TTC7B: variants seen among roughly 807,000 people sequenced by gnomAD.
The protein encoded by TTC7B is tetratricopeptide repeat domain 7B, also known as tetratricopeptide repeat protein 7B.
TTC7B carries 28 observed loss-of-function variants against 106.8 expected under a neutral mutation model. That is an observed-to-expected ratio of 0.26 (90% CI 0.19 to 0.36). The LOEUF (loss-of-function observed/expected upper bound fraction) is 0.36. Ranked by LOEUF, TTC7B falls within the 10% of genes least tolerant of loss-of-function variation. The probability of loss-of-function intolerance (pLI) is 1.00; values close to 1 mark genes in which losing one functional copy is unlikely to be tolerated. For missense variants in TTC7B, 862 were observed against 1,076.4 expected (o/e 0.80, Z 2.79); for synonymous variants, 405 against 430.6 (o/e 0.94, Z 0.74).
At chr14:90,557,685 C>T (rs917043950) in intron 19 of TTC7B, among the ~76,000 whole-genome samples, 1 of 152,242 alleles carries the variant, frequency 6.6e-6, no homozygotes, top group African/African-American at 2.4e-5. Context: ...CCTGGAACCC[C>T]ATTCCCTGCC....
intron 1 of TTC7B, among the ~76,000 whole-genome samples, chr14:90,815,709 G>T (rs536837313): frequency 1.3e-5 from 2 of 151,876 alleles, no homozygotes; most frequent in East Asian, 1.9e-4. Flanking sequence ...TTCCCCAGGG[G>T]TCTATGTACA....
chr14:90,730,520 G>C (rs549704226), intron 4 of TTC7B, among the ~76,000 whole-genome samples: 2 of 152,216 alleles, frequency 1.3e-5, no homozygotes. Flanking sequence ...TGACAGGAAG[G>C]CTGGGGACAC....
intron 9 of TTC7B, among the ~76,000 whole-genome samples, chr14:90,665,002 T>A (rs956769625): frequency 2.6e-5 from 4 of 151,360 alleles, no homozygotes; most frequent in African/African-American, 9.7e-5. Context: ...TGAATAGGAG[T>A]CTTTGAGTGG....
At chr14:90,603,750 T>C (rs1892526013) in intron 17 of TTC7B, among the ~76,000 whole-genome samples, 1 of 152,222 alleles carries the variant, frequency 6.6e-6, no homozygotes. Context: ...CTTGACTATC[T>C]GCTTATCCTA....
intron 7 of TTC7B, among the ~76,000 whole-genome samples, chr14:90,681,879 TTG>T (rs34678494): frequency 0.31 from 22,573 of 72,586 alleles, 1,825 homozygotes; most frequent in Admixed American, 0.4. Flanking sequence ...GTTGTTGTTG[TTG>T]TGTGTGTGTG....
chr14:90,634,143 C>T (rs1301043503), intron 15 of TTC7B, among the ~76,000 whole-genome samples: 6 of 152,160 alleles, frequency 3.9e-5, no homozygotes, highest in Admixed American at 1.3e-4. Flanking sequence ...TCCCAAAGTG[C>T]TGGGACTATA....
chr14:90,785,263 C>A (rs977171916), intron 2 of TTC7B, among the ~76,000 whole-genome samples: 115 of 152,088 alleles, frequency 7.6e-4, no homozygotes, highest in African/African-American at 2.7e-3. Context: ...CACACACAAA[C>A]AAGAATAAAG....
Position 90,663,139 on chromosome 14 carries a change from C to T in TTC7B, c.1153-4752G>A, listed in dbSNP as rs545833930. ...GCCTCATCGGGTGACCCTAAGGACCCTGCAAAGTACAAGGCAGGTAGGCCC... is the reference window on the plus strand; with the variant it reads ...GCCTCATCGGGTGACCCTAAGGACCTTGCAAAGTACAAGGCAGGTAGGCCC... On this transcript the variant is annotated intron_variant, in intron 9 of 19. Transcript: ENST00000328459. This position sits in a 1 kb window ranked among gnomAD's most constrained non-coding sequence, Gnocchi z 4.5. Among the ~76,000 whole-genome samples, 2 of 152,282 alleles carry T rather than the reference C, an allele frequency of 1.3e-5. No homozygotes were observed. The highest frequency in any genetic ancestry group is 1.3e-4 in the Admixed American group (2 of 15,306).
intron 1 of TTC7B, among the ~76,000 whole-genome samples, chr14:90,811,795 T>C (rs1233372384): frequency 6.6e-6 from 1 of 152,188 alleles, no homozygotes; most frequent in Non-Finnish European, 1.5e-5. Flanking sequence ...CTAATCTTTC[T>C]AAGTGAACTC....
chr14:90,643,565 TTTTGTTTG>T lies in TTC7B; in HGVS notation c.1751+475_1751+482del, dbSNP rs145331178. 4.8e-3 allele frequency among the ~76,000 whole-genome samples: 732 copies of T among 151,622 alleles called. 6 individuals carry two copies. The highest frequency in any genetic ancestry group is 0.016 in the African/African-American group (654 of 41,444). ...TTAGGATGACCTAACAGCCTAAGTT[TTTTGTTTG>T]TTTGTTTGTTTGTTTGTTTTTTGAG... On this transcript the variant is annotated intron_variant, in intron 15 of 19. Transcript: ENST00000328459.
chr14:90,719,426 G>A (rs1205502322), intron 5 of TTC7B, among the ~76,000 whole-genome samples: 1 of 152,228 alleles, frequency 6.6e-6, no homozygotes, highest in Non-Finnish European at 1.5e-5. Context: ...CAGCCAGACT[G>A]GGAGGAACTG....
intron 5 of TTC7B, among the ~76,000 whole-genome samples, chr14:90,702,433 T>G (rs1244401068): frequency 6.6e-6 from 1 of 152,202 alleles, no homozygotes; most frequent in East Asian, 1.9e-4. Flanking sequence ...ACCTCATTGA[T>G]TTGTTGTAAG....
chr14:90,782,094 G>A (rs141890073), intron 2 of TTC7B, among the ~76,000 whole-genome samples: 90 of 152,308 alleles, frequency 5.9e-4, no homozygotes, highest in South Asian at 8.3e-4. Context: ...CAGGTACAGC[G>A]TGTTACAGCA....
chr14:90,610,771 G>A lies in TTC7B; in HGVS notation c.1937C>T (p.Thr646Ile), dbSNP rs1271255599. 6.2e-7 allele frequency: 1 copy of A among 1,613,926 alleles called. No homozygotes were observed. The highest frequency in any genetic ancestry group is 2.2e-5 in the East Asian group (1 of 44,886). The change falls in exon 17 of 20, where the codon ACT (threonine) becomes ATT (isoleucine). Residue 646 changes from threonine to isoleucine, a missense_variant. Coordinates refer to ENST00000328459, the MANE Select transcript of TTC7B (RefSeq NM_001010854.2). ...IADRRQLNTI[T>I]LPDFSDPETG... ...CTCGGGATCGCTGAAGTCTGGCAAA[G>A]TAATTGTATTAAGCTGTCGTCTGTC...
At chr14:90,701,481 G>A (rs1405298716) in intron 5 of TTC7B, among the ~76,000 whole-genome samples, 1 of 151,980 alleles carries the variant, frequency 6.6e-6, no homozygotes, top group Non-Finnish European at 1.5e-5. Context: ...CAACAGGCGT[G>A]CACAAGGCCT....
chr14:90,713,382 C>T (rs369071452), intron 5 of TTC7B, among the ~76,000 whole-genome samples: 32 of 152,264 alleles, frequency 2.1e-4, no homozygotes, highest in African/African-American at 7.7e-4. Context: ...TCCCAAAGTT[C>T]AGGGATTACA....
Position 90,570,578 on chromosome 14 carries a change from C to T in TTC7B, c.2310+7528G>A, listed in dbSNP as rs201926584. On this transcript the variant is annotated intron_variant, in intron 19 of 19. Transcript: ENST00000328459. The surrounding 1 kb of genome is among the most constrained non-coding windows in gnomAD (Gnocchi z 4.0). ...ACTCAAAAGCGAAGCATCGTGCTCG[C>T]GGCCGACCACGCACCGAGATATATT... Among the ~76,000 whole-genome samples, 8 of 152,200 alleles carry T rather than the reference C, an allele frequency of 5.3e-5. No individual in the cohort carries two copies. The South Asian group carries it at 1.0e-3, about 20-fold the overall frequency.
At chr14:90,718,092 G>C (rs1888731768) in intron 5 of TTC7B, among the ~76,000 whole-genome samples, 1 of 152,234 alleles carries the variant, frequency 6.6e-6, no homozygotes, top group Admixed American at 6.5e-5. Context: ...ACTCTCTTGT[G>C]GGCTTCTCTG....
At position 90,680,447 on chromosome 14, in the gene TTC7B, C is replaced by T. The variant is rs7492969; in HGVS notation, c.1014+25G>A. ...GGGTCTACAGGGCCAGGGGAAAGAA[C>T]GATGTAAAAACACATTCCACTTACC... On this transcript the variant is annotated intron_variant, in intron 8 of 19. Transcript: ENST00000328459. 164 of 1,594,248 alleles carry T rather than the reference C, an allele frequency of 1.0e-4. No homozygotes were observed. The African/African-American group carries it at 1.9e-3, about 19-fold the overall frequency.
Sources: allele counts gnomAD v4.1 joint callset (sites outside exome capture counted in the v4.1 genomes callset), GRCh38; gene constraint gnomAD v4.1.1; non-coding constraint Gnocchi (gnomAD v3.1); transcripts MANE v1.5; gene names NCBI Gene and HGNC (gene_info 2026-07-23, HGNC 2026-07-21).